NPFFR2: variants seen among roughly 807,000 people sequenced by gnomAD.
The protein encoded by NPFFR2 is neuropeptide FF receptor 2.
A neutral mutation model predicts 13.1 loss-of-function variants in NPFFR2; 15 were observed. That is an observed-to-expected ratio of 1.15 (90% CI 0.77 to 1.76). NPFFR2 has a LOEUF of 1.76. Among genes scored for constraint, NPFFR2 ranks in the 40% most tolerant of loss-of-function variants. The pLI is 0.00. For synonymous variants in NPFFR2, 190 were observed against 175.7 expected, an observed-to-expected ratio of 1.08 and a Z score of -0.65; for missense variants, 572 against 503.5, an observed-to-expected ratio of 1.14 and a Z score of -1.30.
At chr4:72,046,787 C>T (rs1235177316) in intron 1 of NPFFR2, among the ~76,000 whole-genome samples, 1 of 152,008 alleles carries the variant, frequency 6.6e-6, no homozygotes, top group Admixed American at 6.6e-5. Flanking sequence ...TGTAGGGAAA[C>T]ATGAAACTTT....
chr4:72,048,672 G>A (rs1179425295), intron 1 of NPFFR2, among the ~76,000 whole-genome samples: 2 of 152,030 alleles, frequency 1.3e-5, no homozygotes, highest in Non-Finnish European at 2.9e-5. Flanking sequence ...CTGGTGCCAA[G>A]TGATATGAGT....
At chr4:72,131,209 G>A (rs1481530683) in intron 2 of NPFFR2, among the ~76,000 whole-genome samples, 1 of 152,016 alleles carries the variant, frequency 6.6e-6, no homozygotes, top group Non-Finnish European at 1.5e-5. Context: ...TGGGAAAACA[G>A]GATTGCATGT....
At chr4:72,072,801 T>A (rs983688231) in intron 1 of NPFFR2, among the ~76,000 whole-genome samples, 4 of 152,058 alleles carry the variant, frequency 2.6e-5, no homozygotes, top group African/African-American at 9.7e-5. Flanking sequence ...CCAAAACAGA[T>A]AATGTTGAAA....
chr4:72,128,042 G>T (rs995419364), intron 1 of NPFFR2, among the ~76,000 whole-genome samples: 3 of 152,112 alleles, frequency 2.0e-5, no homozygotes, highest in Non-Finnish European at 4.4e-5. Flanking sequence ...TGGTGCCACT[G>T]CACTCCCATC....
In NPFFR2 at chr4:72,072,946, A is replaced by G. The variant is rs138230367; in HGVS notation, c.-8+40746A>G. Among the ~76,000 whole-genome samples the G allele has an allele frequency of 2.9e-3, 441 of 152,226 alleles. 1 individual carries two copies. Among genetic ancestry groups the G allele is most frequent in the Middle Eastern group, 0.01 (3 of 294 alleles). ...GTGTAGAAAAAAATAGCAAAATGGC[A>G]GCAGTAGGTCCCTATTTATCAGTAA... On this transcript the variant is annotated intron_variant, in intron 1 of 3. Coordinates refer to ENST00000308744, the MANE Select transcript of NPFFR2 (RefSeq NM_004885.3).
At chr4:72,038,846 G>T (rs928249969) in intron 1 of NPFFR2, among the ~76,000 whole-genome samples, 6 of 149,458 alleles carry the variant, frequency 4.0e-5, no homozygotes, top group Admixed American at 6.7e-5. Flanking sequence ...TTGCATAAGT[G>T]CCTAAACTAA....
intron 1 of NPFFR2, 72 bp downstream of exon 1, chr4:72,032,272 GC>G (rs1718946042): frequency 1.4e-6 from 2 of 1,448,012 alleles, no homozygotes; most frequent in Admixed American, 2.4e-5. Context: ...CCCAACGCTT[GC>G]CTTGATGACA....
At chr4:72,143,584 T>C (rs1722695063) in intron 3 of NPFFR2, among the ~76,000 whole-genome samples, 1 of 152,086 alleles carries the variant, frequency 6.6e-6, no homozygotes, top group African/African-American at 2.4e-5. Flanking sequence ...CAGAAACACT[T>C]TTATAGGCGC....
chr4:72,078,357 CAT>C (rs1246573713), intron 1 of NPFFR2, among the ~76,000 whole-genome samples: 4 of 152,040 alleles, frequency 2.6e-5, no homozygotes, highest in Non-Finnish European at 5.9e-5. Flanking sequence ...AAGAGAGTGA[CAT>C]ATGTACTAAA....
chr4:72,043,870 G>A (rs1328533813), intron 1 of NPFFR2, among the ~76,000 whole-genome samples: 4 of 152,158 alleles, frequency 2.6e-5, no homozygotes, highest in African/African-American at 7.2e-5. Context: ...GAATTGTGAG[G>A]ACATGAGATT....
At chr4:72,075,657 T>A (rs1275161731) in intron 1 of NPFFR2, among the ~76,000 whole-genome samples, 2 of 152,000 alleles carry the variant, frequency 1.3e-5, no homozygotes, top group African/African-American at 4.8e-5. Context: ...ATGTAGGACA[T>A]AAGCCAATCA....
At chr4:72,079,601 T>C (rs1720548609) in intron 1 of NPFFR2, among the ~76,000 whole-genome samples, 1 of 152,104 alleles carries the variant, frequency 6.6e-6, no homozygotes, top group Admixed American at 6.6e-5. Context: ...TAGGAAAAGA[T>C]AAAATTCATA....
intron 1 of NPFFR2, among the ~76,000 whole-genome samples, chr4:72,067,350 G>A (rs183346504): frequency 1.3e-5 from 2 of 152,172 alleles, no homozygotes; most frequent in Admixed American, 1.3e-4. Flanking sequence ...GCCACCCTGG[G>A]CTCCTCTCTT....
intron 1 of NPFFR2, among the ~76,000 whole-genome samples, chr4:72,096,742 A>G (rs1422220681): frequency 6.6e-6 from 1 of 152,098 alleles, no homozygotes; most frequent in East Asian, 1.9e-4. Context: ...TTGTATATTC[A>G]TGTATTCAAC....
chr4:72,085,557 G>A (rs1720744151), intron 1 of NPFFR2, among the ~76,000 whole-genome samples: 1 of 152,062 alleles, frequency 6.6e-6, no homozygotes, highest in South Asian at 2.1e-4. Flanking sequence ...TCATTTCAGA[G>A]TTGTTTCTGC....
chr4:72,079,700 A>C (rs935234337), intron 1 of NPFFR2, among the ~76,000 whole-genome samples: 1 of 152,192 alleles, frequency 6.6e-6, no homozygotes, highest in Non-Finnish European at 1.5e-5. Context: ...GTATGTTCAA[A>C]CTACACATCT....
At chr4:72,046,693 G>C (rs1719391524) in intron 1 of NPFFR2, among the ~76,000 whole-genome samples, 2 of 152,206 alleles carry the variant, frequency 1.3e-5, no homozygotes, top group African/African-American at 4.8e-5. Context: ...GAAGAATTTG[G>C]AGGAGCAGGC....
intron 1 of NPFFR2, among the ~76,000 whole-genome samples, chr4:72,118,216 C>T (rs1464580670): frequency 6.6e-6 from 1 of 152,144 alleles, no homozygotes; most frequent in Admixed American, 6.5e-5. Context: ...GATGGTGTGA[C>T]ATTTAGCGGA....
intron 1 of NPFFR2, among the ~76,000 whole-genome samples, chr4:72,127,570 A>G (rs1274467059): frequency 6.8e-6 from 1 of 148,054 alleles, no homozygotes; most frequent in East Asian, 2.1e-4. Context: ...TCACCGTGTT[A>G]GCCAGGATGG....
Sources: allele counts gnomAD v4.1 joint callset (sites outside exome capture counted in the v4.1 genomes callset), GRCh38; gene constraint gnomAD v4.1.1; transcripts MANE v1.5; gene names NCBI Gene and HGNC (gene_info 2026-07-23, HGNC 2026-07-21).